The following ITK variants were observed in gnomAD, a reference collection of about 807,000 sequenced individuals.
ITK encodes the protein IL2 inducible T cell kinase, also known as tyrosine-protein kinase ITK/TSK.
In ITK, 45 loss-of-function variants were observed where a neutral mutation model predicts 87.6. That is an observed-to-expected ratio of 0.51 (90% CI 0.40 to 0.66). ITK has a LOEUF of 0.66. Ranked by LOEUF, ITK falls within the 30% of genes least tolerant of loss-of-function variation. The pLI is 0.00. For synonymous variants in ITK, 303 were observed against 273.6 expected (o/e 1.11, Z -1.06); for missense variants, 605 against 766.3 (o/e 0.79, Z 2.48).
At chr5:157,200,094 A>C (rs1753935165) in intron 1 of ITK, among the ~76,000 whole-genome samples, 1 of 62,766 alleles carries the variant, frequency 1.6e-5, no homozygotes, top group Non-Finnish European at 3.2e-5. Flanking sequence ...AGAGAAAGGA[A>C]AGAAGAAAGG....
In ITK at chr5:157,254,487, A is replaced by G. The variant is rs1264250912; in HGVS notation, c.*1809A>G. On this transcript the variant is annotated 3_prime_UTR_variant, in exon 17 of 17. Transcript: ENST00000422843. ...CTTCTTGAACACTTCATGAGGAGGGACATTCCCTGATATAAGAGAGGATGG... is the reference window on the plus strand; with the variant it reads ...CTTCTTGAACACTTCATGAGGAGGGGCATTCCCTGATATAAGAGAGGATGG... 9.1e-6 allele frequency: 2 copies of G among 220,628 alleles called. No homozygotes were observed. Among genetic ancestry groups the G allele is most frequent in the African/African-American group, 4.5e-5 (2 of 44,604 alleles). 13.7% of individuals were successfully genotyped at this position (220,628 alleles called of 1,614,324 possible).
In ITK at chr5:157,238,168, T is replaced by G. The variant is rs757692774; in HGVS notation, c.828T>G (p.Ser276=). 8 of 1,613,756 alleles carry G rather than the reference T, an allele frequency of 5.0e-6. No individual in the cohort carries two copies. Among genetic ancestry groups the G allele is most frequent in the Non-Finnish European group, 6.8e-6 (8 of 1,179,660 alleles). ...GGACTGCAGGAACATACACCGTGTC[T>G]GTTTTCACCAAGGCTGTTGTAAGGT... ...DSRTAGTYTV[S]VFTKAVVSEN... The change falls in exon 9 of 17, where the codon TCT becomes TCG. Residue 276 remains serine, a synonymous_variant. Transcript: ENST00000422843.
intron 1 of ITK, among the ~76,000 whole-genome samples, chr5:157,191,123 A>T (rs921226133): frequency 9.6e-6 from 1 of 104,048 alleles, no homozygotes; most frequent in Non-Finnish European, 2.0e-5. Context: ...ATGTTTTTTT[A>T]TTTATTTATT....
At chr5:157,236,483 T>C (rs1018993849) in intron 8 of ITK, among the ~76,000 whole-genome samples, 1 of 152,116 alleles carries the variant, frequency 6.6e-6, no homozygotes, top group Non-Finnish European at 1.5e-5. Context: ...CAAACCATCA[T>C]TTTAGTTGTG....
rs972999696 is a variant in ITK at position 157,248,949 on chromosome 5, A to G, written c.1733A>G (p.Tyr578Cys). Residue 578 changes from tyrosine to cysteine, a missense_variant, in exon 16 of 17, where the codon TAC (tyrosine) becomes TGC (cysteine). Tyr to Cys is a radical substitution (Grantham distance 194, BLOSUM62 -2). This residue lies in a region of ITK where 71 missense variants were observed against 65.8 expected (regional missense o/e 1.08). Coordinates refer to ENST00000422843, the MANE Select transcript of ITK (RefSeq NM_005546.4). Reference sequence around the variant, plus strand: ...GACATCAGTACCGGATTTCGGTTGTACAAGCCCCGGCTGGCCTCCACACAC... The same window carrying G: ...GACATCAGTACCGGATTTCGGTTGTGCAAGCCCCGGCTGGCCTCCACACAC... The part of the protein sequence containing the change: ...VEDISTGFRL[Y>C]KPRLASTHVY... The G allele has an allele frequency of 5.0e-6, 8 of 1,613,868 alleles. No homozygotes were observed. The highest frequency in any genetic ancestry group is 6.8e-6 in the Non-Finnish European group (8 of 1,179,854).
chr5:157,239,878 C>G (rs1754853301), intron 9 of ITK, among the ~76,000 whole-genome samples, 184 bp from the exon 10 acceptor site: 1 of 152,136 alleles, frequency 6.6e-6, no homozygotes, highest in Non-Finnish European at 1.5e-5. Flanking sequence ...CCTCAGAGTC[C>G]TTTTTAACAC....
intron 5 of ITK, among the ~76,000 whole-genome samples, chr5:157,219,378 G>T (rs192928818): frequency 6.6e-6 from 1 of 152,254 alleles, no homozygotes; most frequent in Non-Finnish European, 1.5e-5. Context: ...CTCCCAAAGT[G>T]CTGGAATTAC....
At chr5:157,244,179 T>C (rs1754971980) in intron 12 of ITK, 83 bp from the exon 13 acceptor site, 2 of 1,043,604 alleles carry the variant, frequency 1.9e-6, no homozygotes, top group Non-Finnish European at 3.0e-6. Flanking sequence ...AAAATGACCA[T>C]TGGCTATTTT....
At chr5:157,205,769 G>A (rs950071204) in intron 1 of ITK, among the ~76,000 whole-genome samples, 3 of 152,026 alleles carry the variant, frequency 2.0e-5, no homozygotes, top group Non-Finnish European at 2.9e-5. Context: ...TTATTTTGAC[G>A]TACGTTCCTT....
At chr5:157,193,441 A>G (rs1206872022) in intron 1 of ITK, among the ~76,000 whole-genome samples, 2 of 152,230 alleles carry the variant, frequency 1.3e-5, no homozygotes, top group Non-Finnish European at 2.9e-5. Flanking sequence ...TAACCAATAC[A>G]AAATCTGAAA....
intron 8 of ITK, among the ~76,000 whole-genome samples, chr5:157,233,965 T>TATATATATATACATA (rs1561661212): frequency 5.3e-5 from 1 of 18,842 alleles, no homozygotes; most frequent in Non-Finnish European, 9.7e-5. Flanking sequence ...ATATATATAT[T>TATATATATATACATA]TTTTTTTTTT....
chr5:157,180,902 C>A lies in ITK; in HGVS notation c.-76C>A, dbSNP rs1753498273. The A allele has an allele frequency of 1.3e-6, 2 of 1,486,422 alleles. No individual in the cohort carries two copies. Among genetic ancestry groups the A allele is most frequent in the Non-Finnish European group, 1.9e-6 (2 of 1,066,986 alleles). The allele number at this position is 1,486,422 out of a possible 1,614,324, so 92.1% of individuals were successfully genotyped here. On this transcript the variant is annotated 5_prime_UTR_variant, in exon 1 of 17. Transcript: ENST00000422843. ...AGATCAACTGCCTCCACATTGCATT[C>A]TTTGCCCCAAAACTCTTTCCTTTGG...
chr5:157,201,622 G>A (rs754552768), intron 1 of ITK, among the ~76,000 whole-genome samples: 15 of 150,602 alleles, frequency 1.0e-4, no homozygotes, highest in African/African-American at 2.2e-4. Flanking sequence ...CACTCTATTC[G>A]ACACTGTTCT....
At chr5:157,232,902 A>T (rs1177299930) in intron 8 of ITK, among the ~76,000 whole-genome samples, 2 of 152,152 alleles carry the variant, frequency 1.3e-5, no homozygotes, top group East Asian at 3.9e-4. Context: ...TGGGTCAGAG[A>T]TGTCTGTGAC....
intron 1 of ITK, among the ~76,000 whole-genome samples, chr5:157,190,549 C>A (rs1191332402): frequency 3.9e-5 from 6 of 152,106 alleles, no homozygotes; most frequent in Admixed American, 1.3e-4. Context: ...ACCCTAATAG[C>A]TTGCATTCTA....
At chr5:157,199,740 T>C (rs1172043450) in intron 1 of ITK, 1 of 152,222 alleles carries the variant, frequency 6.6e-6, no homozygotes, top group Non-Finnish European at 1.5e-5. Flanking sequence ...TAATATGTTG[T>C]AGGATCGTGA....
At chr5:157,236,679 G>A (rs1754781537) in intron 8 of ITK, among the ~76,000 whole-genome samples, 1 of 152,154 alleles carries the variant, frequency 6.6e-6, no homozygotes. Flanking sequence ...AGCGGGGTAG[G>A]AACAGAGTGT....
intron 16 of ITK, among the ~76,000 whole-genome samples, chr5:157,249,658 T>G (rs1755102060): frequency 6.6e-6 from 1 of 152,226 alleles, no homozygotes; most frequent in Non-Finnish European, 1.5e-5. Flanking sequence ...TACAAAAAAT[T>G]TGGAACACTA....
chr5:157,241,663 C>A lies in ITK; in HGVS notation c.1003C>A (p.Arg335=). ...HNGGGLVTRL[R]YPVCFGRQKA... is the part of the protein sequence containing the mutation. ...CAACCCAGGCCTGGTGACTCGACTC[C>A]GGTATCCAGTTTGTTTTGGGAGGCA... The change falls in exon 11 of 17, where the codon CGG becomes AGG. Residue 335 remains arginine (R), a synonymous_variant. Transcript: ENST00000422843. 1.2e-6 allele frequency: 2 copies of A among 1,613,828 alleles called. No individual in the cohort carries two copies. Among genetic ancestry groups the A allele is most frequent in the South Asian group, 2.2e-5 (2 of 91,076 alleles).
Sources: allele counts gnomAD v4.1 joint callset (sites outside exome capture counted in the v4.1 genomes callset), GRCh38; gene constraint gnomAD v4.1.1; regional missense constraint gnomAD v4.1.1; transcripts MANE v1.5; gene names NCBI Gene and HGNC (gene_info 2026-07-23, HGNC 2026-07-21).